The following ANGPT1 variants were observed in gnomAD, a reference collection of about 807,000 sequenced individuals.
ANGPT1 encodes the protein angiopoietin 1.
Under a neutral mutation model 62.2 loss-of-function variants are expected in ANGPT1, and 17 were observed. The ratio of observed to expected loss-of-function variants is 0.27; its 90% CI spans 0.19 to 0.41. The LOEUF is 0.41. Among genes scored for constraint, ANGPT1 ranks in the 10% least tolerant of loss-of-function variants. ANGPT1 has a pLI of 1.00. For synonymous variants in ANGPT1, 199 were observed against 198.9 expected, an observed-to-expected ratio of 1.00 and a Z score of 0.00; for missense variants, 478 against 594.9, an observed-to-expected ratio of 0.80 and a Z score of 2.04.
intron 3 of ANGPT1, among the ~76,000 whole-genome samples, chr8:107,331,636 G>T (rs933599524): frequency 6.6e-6 from 1 of 152,110 alleles, no homozygotes; most frequent in Non-Finnish European, 1.5e-5. Flanking sequence ...TTTTTTAAGT[G>T]TAAAATAGAA....
intron 4 of ANGPT1, among the ~76,000 whole-genome samples, chr8:107,319,299 C>A (rs909908277): frequency 6.6e-5 from 10 of 151,966 alleles, no homozygotes; most frequent in Admixed American, 3.3e-4. Flanking sequence ...TTTAGTCTGG[C>A]CTTGCAGTAT....
intron 1 of ANGPT1, among the ~76,000 whole-genome samples, chr8:107,347,742 T>C (rs1489889724): frequency 6.6e-6 from 1 of 152,184 alleles, no homozygotes; most frequent in East Asian, 1.9e-4. Flanking sequence ...GAGAGCTAGC[T>C]GTAATCATTC....
At chr8:107,478,090 T>C (rs1299547730) in intron 1 of ANGPT1, among the ~76,000 whole-genome samples, 1 of 151,372 alleles carries the variant, frequency 6.6e-6, no homozygotes, top group Non-Finnish European at 1.5e-5. Context: ...AAGATTCTGC[T>C]ACTATTTCTA....
chr8:107,275,857 T>C (rs79693874), intron 7 of ANGPT1, among the ~76,000 whole-genome samples: 1,795 of 152,204 alleles, frequency 0.012, 16 homozygotes, highest in Non-Finnish European at 0.018. Context: ...AACCTGTAAG[T>C]TTCTAGGACA....
chr8:107,344,667 T>C (rs1815765801), intron 2 of ANGPT1, among the ~76,000 whole-genome samples: 1 of 152,192 alleles, frequency 6.6e-6, no homozygotes, highest in Non-Finnish European at 1.5e-5. Flanking sequence ...TGCATTAAAA[T>C]ATATTGGAAA....
At chr8:107,472,644 G>C (rs1812394427) in intron 1 of ANGPT1, among the ~76,000 whole-genome samples, 1 of 151,848 alleles carries the variant, frequency 6.6e-6, no homozygotes, top group Non-Finnish European at 1.5e-5. Context: ...ACCACTATAG[G>C]AACCTTAGGA....
chr8:107,429,069 A>G (rs1356132400), intron 1 of ANGPT1, among the ~76,000 whole-genome samples: 1 of 152,246 alleles, frequency 6.6e-6, no homozygotes, highest in Admixed American at 6.5e-5. Context: ...ACAAACAAAC[A>G]AGCGACAATC....
At chr8:107,317,764 G>A (rs1815053122) in intron 4 of ANGPT1, among the ~76,000 whole-genome samples, 2 of 151,868 alleles carry the variant, frequency 1.3e-5, no homozygotes, top group South Asian at 4.1e-4. Flanking sequence ...CTGAGTAGCT[G>A]GGATTACAGG....
chr8:107,318,486 T>A (rs1250214031), intron 4 of ANGPT1, among the ~76,000 whole-genome samples: 1 of 152,204 alleles, frequency 6.6e-6, no homozygotes, highest in Non-Finnish European at 1.5e-5. Context: ...TTCCTAGGAA[T>A]TCTTTATCAT....
intron 1 of ANGPT1, among the ~76,000 whole-genome samples, chr8:107,359,683 G>C (rs1318932652): frequency 1.3e-5 from 2 of 152,052 alleles, no homozygotes; most frequent in Admixed American, 1.3e-4. Context: ...TTTCTGTTCA[G>C]CATAATACAC....
chr8:107,486,439 T>C lies in ANGPT1; in HGVS notation c.297+10823A>G, dbSNP rs148910706. 1.2e-3 allele frequency among the ~76,000 whole-genome samples: 187 copies of C among 152,296 alleles called. 3 individuals are homozygous for C. Among genetic ancestry groups the C allele is most frequent in the African/African-American group, 4.2e-3 (174 of 41,556 alleles). ...ATCTACCTCACATTGGCTTTTGAGG[T>C]ATTCAATGAATTAACACATGTAAAG... is the stretch of plus-strand genomic sequence containing the variant. On this transcript the variant is annotated intron_variant, in intron 1 of 8. Coordinates refer to ENST00000517746, the MANE Select transcript of ANGPT1 (RefSeq NM_001146.5).
At chr8:107,333,517 G>A (rs2130109094) in intron 3 of ANGPT1, among the ~76,000 whole-genome samples, 1 of 152,208 alleles carries the variant, frequency 6.6e-6, no homozygotes, top group Non-Finnish European at 1.5e-5. Context: ...CTATAATCCT[G>A]AAAAAATTAA....
chr8:107,413,990 T>C (rs1391457798), intron 1 of ANGPT1, among the ~76,000 whole-genome samples: 1 of 152,108 alleles, frequency 6.6e-6, no homozygotes, highest in East Asian at 1.9e-4. Context: ...TTGGTGGTGG[T>C]GAAATAAATT....
intron 1 of ANGPT1, among the ~76,000 whole-genome samples, chr8:107,385,023 G>T (rs762337357): frequency 1.3e-5 from 2 of 152,064 alleles, no homozygotes; most frequent in Non-Finnish European, 2.9e-5. Flanking sequence ...CTGTAGCCTT[G>T]CAGTATAGTT....
At chr8:107,378,530 T>G (rs1324503635) in intron 1 of ANGPT1, among the ~76,000 whole-genome samples, 1 of 152,182 alleles carries the variant, frequency 6.6e-6, no homozygotes, top group Non-Finnish European at 1.5e-5. Context: ...CTATACTCTA[T>G]GTACACTGTT....
chr8:107,416,941 G>A lies in ANGPT1; in HGVS notation c.298-69844C>T, dbSNP rs531876254. On this transcript the variant is annotated intron_variant, in intron 1 of 8. Transcript: ENST00000517746. ...CCAGTAGCTAGGACTATAGGTATGC[G>A]CCACCATCTTGGCTAATTTTTGTAT... 4.0e-4 allele frequency among the ~76,000 whole-genome samples: 60 copies of A among 151,858 alleles called. 1 individual carries two copies. The highest frequency in any genetic ancestry group is 1.2e-4 in the Non-Finnish European group (8 of 67,936).
rs983016952 is a variant in ANGPT1, at chr8:107,249,871, T to C, written c.*1984A>G. The C allele has an allele frequency of 1.4e-4, 22 of 152,488 alleles. No homozygotes were observed. The highest frequency in any genetic ancestry group is 5.1e-4 in the African/African-American group (21 of 41,426). The allele number at this position is 152,488 out of a possible 1,614,324, so 9.4% of individuals were successfully genotyped here. ...TCTGTAGGAACACAAAAGGACAAAA[T>C]ACTCATTTTCTTTCCCTTAAATGAA... is the stretch of plus-strand genomic sequence containing the variant. On this transcript the variant is annotated 3_prime_UTR_variant, in exon 9 of 9. Transcript: ENST00000517746.
chr8:107,368,167 A>C (rs1563589560), intron 1 of ANGPT1, among the ~76,000 whole-genome samples: 1 of 152,196 alleles, frequency 6.6e-6, no homozygotes, highest in South Asian at 2.1e-4. Context: ...CATGGGTTAC[A>C]GGATGGATAT....
At chr8:107,481,532 C>CAAAAAAAA (rs71562147) in intron 1 of ANGPT1, among the ~76,000 whole-genome samples, 2 of 64,314 alleles carry the variant, frequency 3.1e-5, no homozygotes, top group Non-Finnish European at 5.7e-5. Flanking sequence ...GACTCTGTCT[C>CAAAAAAAA]AAAAAAAAAA....
Sources: allele counts gnomAD v4.1 joint callset (sites outside exome capture counted in the v4.1 genomes callset), GRCh38; gene constraint gnomAD v4.1.1; transcripts MANE v1.5; gene names NCBI Gene and HGNC (gene_info 2026-07-23, HGNC 2026-07-21).